COL10A1: variants seen among roughly 807,000 people sequenced by gnomAD.
COL10A1 encodes the protein collagen type X alpha 1 chain.
COL10A1 carries 10 observed loss-of-function variants against 18.2 expected under a neutral mutation model. The ratio of observed to expected loss-of-function variants is 0.55; its 90% confidence interval spans 0.34 to 0.93. COL10A1 has a LOEUF of 0.93. Ranked by LOEUF, COL10A1 falls within the 40% of genes least tolerant of loss-of-function variation. The pLI is 0.02. For synonymous variants in COL10A1, 330 were observed against 316.6 expected, an observed-to-expected ratio of 1.04 and a Z score of -0.45; for missense variants, 897 against 853.5, an observed-to-expected ratio of 1.05 and a Z score of -0.64.
At chr6:116,197,141 C>A in the COL10A1 span, among the ~76,000 whole-genome samples, 3 of 151,934 alleles carry the variant, frequency 2.0e-5, no homozygotes, top group East Asian at 5.9e-4. Flanking sequence ...GCCAGCTGCC[C>A]TCCTCACCTC....
At chr6:116,124,567 G>A (rs1779235311) in intron 2 of COL10A1, among the ~76,000 whole-genome samples, 2 of 152,090 alleles carry the variant, frequency 1.3e-5, no homozygotes, top group African/African-American at 4.8e-5. Flanking sequence ...AAAACTAGGA[G>A]TAACAGAAGT....
At chr6:116,187,041 T>G in the COL10A1 span, among the ~76,000 whole-genome samples, 1 of 152,066 alleles carries the variant, frequency 6.6e-6, no homozygotes, top group African/African-American at 2.4e-5. Flanking sequence ...TCAGATTCTT[T>G]TGTCCCACAG....
chr6:116,120,780 CA>C lies in COL10A1; in HGVS notation c.1335del (p.Gly446GlufsTer35). On this transcript the variant is annotated frameshift_variant, in exon 3 of 3. Coordinates refer to ENST00000651968, the MANE Select transcript of COL10A1 (RefSeq NM_000493.4). LOFTEE classifies it low-confidence loss of function (END_TRUNC). ...ATAGGGCCTCTAGTACCTGGTATTC[CA>C]GGGGCACCTCTTGGGCCAGCCTCTC... The part of the protein sequence containing the change: ...HNGEAGPRGA[P>X]GIPGTRGPIG... 1 of 1,613,296 alleles carries C rather than the reference CA, an allele frequency of 6.2e-7. No homozygotes were observed. The highest frequency in any genetic ancestry group is 8.5e-7 in the Non-Finnish European group (1 of 1,179,766).
upstream of COL10A1, among the ~76,000 whole-genome samples, chr6:116,163,141 A>AAAAATATATATAT (rs761718922): frequency 2.0e-3 from 178 of 88,314 alleles, 2 homozygotes; most frequent in African/African-American, 8.9e-3. Context: ...AAAAAAAAAA[A>AAAAATATATATAT]ATATATATAT....
At chr6:116,193,330 G>A in the COL10A1 span, among the ~76,000 whole-genome samples, 1 of 151,988 alleles carries the variant, frequency 6.6e-6, no homozygotes, top group Non-Finnish European at 1.5e-5. Context: ...AAAAAATTAG[G>A]ATGTTTTACT....
At chr6:116,156,349 G>A (rs1780193304) in intron 1 of COL10A1, among the ~76,000 whole-genome samples, 2 of 151,714 alleles carry the variant, frequency 1.3e-5, no homozygotes, top group Non-Finnish European at 2.9e-5. Flanking sequence ...TCAACTAGTT[G>A]TGTTTCGTTT....
chr6:116,126,331 A>T (rs1378980679), upstream of COL10A1, among the ~76,000 whole-genome samples: 1 of 152,090 alleles, frequency 6.6e-6, no homozygotes, highest in Non-Finnish European at 1.5e-5. Flanking sequence ...TCTTAAATAT[A>T]TATTAATAGT....
chr6:116,154,886 A>G (rs1472073542), intron 1 of COL10A1, among the ~76,000 whole-genome samples: 2 of 152,202 alleles, frequency 1.3e-5, no homozygotes, highest in Non-Finnish European at 2.9e-5. Context: ...TTGTTTTAAT[A>G]TCATTTTTCT....
chr6:116,181,424 G>C, the COL10A1 span, among the ~76,000 whole-genome samples: 4 of 151,876 alleles, frequency 2.6e-5, no homozygotes, highest in African/African-American at 9.7e-5. Flanking sequence ...TATTTCAGTG[G>C]ATGCAGAAAA....
the COL10A1 span, among the ~76,000 whole-genome samples, chr6:116,206,773 C>T: frequency 2.6e-5 from 4 of 151,892 alleles, no homozygotes; most frequent in Admixed American, 2.0e-4. Context: ...TTTTCTTTGC[C>T]ATAGTTTTTA....
At chr6:116,174,758 T>C in the COL10A1 span, among the ~76,000 whole-genome samples, 1 of 152,166 alleles carries the variant, frequency 6.6e-6, no homozygotes, top group Non-Finnish European at 1.5e-5. Flanking sequence ...ATACTCCATT[T>C]TGAAGGACTC....
chr6:116,142,893 A>C (rs1029184081), intron 1 of COL10A1, among the ~76,000 whole-genome samples: 1 of 152,284 alleles, frequency 6.6e-6, no homozygotes, highest in Middle Eastern at 3.4e-3. Context: ...TGTCAGTCTG[A>C]ATACATGGAA....
chr6:116,131,096 C>T (rs1339126288), upstream of COL10A1, among the ~76,000 whole-genome samples: 1 of 151,984 alleles, frequency 6.6e-6, no homozygotes, highest in Non-Finnish European at 1.5e-5. Flanking sequence ...CATATGTTTT[C>T]TCTGGTGTTC....
chr6:116,167,503 T>A, the COL10A1 span, among the ~76,000 whole-genome samples: 3 of 152,180 alleles, frequency 2.0e-5, no homozygotes, highest in African/African-American at 7.2e-5. Context: ...TGAGCCACCG[T>A]GCCCAGCCCA....
chr6:116,149,997 A>C (rs1047393828), intron 1 of COL10A1, among the ~76,000 whole-genome samples: 1 of 152,164 alleles, frequency 6.6e-6, no homozygotes, highest in African/African-American at 2.4e-5. Context: ...TCCCTTTGAC[A>C]TCTGCCCCCC....
At position 116,119,044 on chromosome 6, in the gene COL10A1, T is replaced by C. The variant is rs1385561409; in HGVS notation, c.*1029A>G. ...CTAAAAATCTATTGATGTTATTTTA[T>C]TGCGTCGTAAATAAGGAGTAGGTAA... On this transcript the variant is annotated 3_prime_UTR_variant, in exon 3 of 3. Transcript: ENST00000651968. The C allele has an allele frequency of 6.5e-6, 1 of 152,682 alleles. No individual in the cohort carries two copies. The highest frequency in any genetic ancestry group is 2.4e-5 in the African/African-American group (1 of 41,472). 9.5% of individuals were successfully genotyped at this position (152,682 alleles called of 1,614,324 possible). A position where few individuals can be genotyped will look rare whatever the true frequency, so the allele number is the denominator to read the frequency against.
chr6:116,148,830 G>A (rs1468076770), intron 1 of COL10A1, among the ~76,000 whole-genome samples: 1 of 152,076 alleles, frequency 6.6e-6, no homozygotes, highest in Non-Finnish European at 1.5e-5. Context: ...ATTTCTATAA[G>A]TCAAAAGTAA....
chr6:116,214,109 T>C, the COL10A1 span, among the ~76,000 whole-genome samples: 3 of 152,116 alleles, frequency 2.0e-5, no homozygotes, highest in Non-Finnish European at 2.9e-5. Flanking sequence ...AAAATCCTGA[T>C]ACTGTAAGTG....
intron 1 of COL10A1, among the ~76,000 whole-genome samples, chr6:116,149,356 G>A (rs1273802405): frequency 6.6e-6 from 1 of 152,158 alleles, no homozygotes; most frequent in Admixed American, 6.5e-5. Context: ...TATTCTTCCA[G>A]TACGTATGAC....
Sources: allele counts gnomAD v4.1 joint callset (sites outside exome capture counted in the v4.1 genomes callset), GRCh38; gene constraint gnomAD v4.1.1; transcripts MANE v1.5; gene names NCBI Gene and HGNC (gene_info 2026-07-23, HGNC 2026-07-21).